The following DLGAP1 variants were observed in gnomAD, a reference collection of about 807,000 sequenced individuals.
DLGAP1 encodes the protein DLG associated protein 1.
In DLGAP1, 11 loss-of-function variants were observed where a neutral mutation model predicts 90.8. The ratio of observed to expected loss-of-function variants is 0.12; its 90% CI spans 0.08 to 0.20. The LOEUF is 0.20. Among genes scored for constraint, DLGAP1 ranks in the 10% least tolerant of loss-of-function variants. The pLI, the probability that DLGAP1 is intolerant of heterozygous loss-of-function variation, is 1.00. For synonymous variants in DLGAP1, 558 were observed against 540.7 expected (o/e 1.03, Z -0.44); for missense variants, 1,050 against 1,333.8 (o/e 0.79, Z 3.31).
chr18:4,196,232 A>G (rs1438094242), intron 1 of DLGAP1, among the ~76,000 whole-genome samples: 1 of 152,202 alleles, frequency 6.6e-6, no homozygotes, highest in Non-Finnish European at 1.5e-5. Flanking sequence ...CTAAAGTATA[A>G]ATTGCTACAC....
Position 3,616,408 on chromosome 18 carries a change from C to T in DLGAP1, c.1592-34160G>A, listed in dbSNP as rs1010321588. On this transcript the variant is annotated intron_variant, in intron 7 of 12. Coordinates refer to ENST00000315677, the MANE Select transcript of DLGAP1 (RefSeq NM_004746.4). ...GTGAGCCCATTCGGTGGTCTGAGGG[C>T]GATAGTTTGCCAATCTGTGCTCTAG... Among the ~76,000 whole-genome samples the T allele has an allele frequency of 3.3e-5, 5 of 152,050 alleles. 1 individual carries two copies. Among genetic ancestry groups the T allele is most frequent in the South Asian group, 4.2e-4 (2 of 4,814 alleles).
intron 9 of DLGAP1, among the ~76,000 whole-genome samples, chr18:3,550,332 C>T (rs1339661438): frequency 6.6e-6 from 1 of 151,902 alleles, no homozygotes; most frequent in Non-Finnish European, 1.5e-5. Flanking sequence ...CTCAAGCCAT[C>T]CTCCTACCTC....
chr18:4,117,368 G>A (rs967484767), intron 2 of DLGAP1, among the ~76,000 whole-genome samples: 2 of 152,116 alleles, frequency 1.3e-5, no homozygotes, highest in Admixed American at 6.5e-5. Flanking sequence ...TTGAAAACTG[G>A]AACTTTTGCA....
chr18:4,060,347 G>A (rs2075281588), intron 2 of DLGAP1, among the ~76,000 whole-genome samples: 1 of 152,122 alleles, frequency 6.6e-6, no homozygotes, highest in Non-Finnish European at 1.5e-5. Flanking sequence ...TAAAAGAAAA[G>A]GTTAACACTG....
chr18:4,374,337 T>A (rs2081974921), intron 1 of DLGAP1, among the ~76,000 whole-genome samples: 1 of 152,068 alleles, frequency 6.6e-6, no homozygotes, highest in Admixed American at 6.6e-5. Flanking sequence ...AAAAGAAACA[T>A]ACCAACATTT....
intron 2 of DLGAP1, among the ~76,000 whole-genome samples, chr18:4,129,173 T>C (rs960302740): frequency 2.0e-5 from 3 of 152,104 alleles, no homozygotes; most frequent in African/African-American, 4.8e-5. Context: ...GCTCACTGCA[T>C]GAAGCACAAG....
chr18:3,685,316 C>T (rs1407671237), intron 7 of DLGAP1, among the ~76,000 whole-genome samples: 1 of 152,228 alleles, frequency 6.6e-6, no homozygotes, highest in East Asian at 1.9e-4. Context: ...AATCCCAGCA[C>T]TTTGGGAGGC....
intron 4 of DLGAP1, 88 bp from the exon 5 acceptor site, chr18:3,814,361 A>ATTTTTT (rs372490602): frequency 2.3e-5 from 20 of 880,360 alleles, no homozygotes; most frequent in African/African-American, 8.2e-5. Flanking sequence ...TAACATTTCT[A>ATTTTTT]TTTTTTTTTT....
At chr18:4,333,873 C>T (rs548191348) in intron 1 of DLGAP1, among the ~76,000 whole-genome samples, 3 of 150,964 alleles carry the variant, frequency 2.0e-5, no homozygotes, top group Admixed American at 6.6e-5. Flanking sequence ...GTGCCGGGAC[C>T]ACAGGCGTGA....
intron 1 of DLGAP1, among the ~76,000 whole-genome samples, chr18:4,223,210 T>G (rs1830624103): frequency 6.6e-6 from 1 of 152,186 alleles, no homozygotes; most frequent in African/African-American, 2.4e-5. Context: ...TTGCTGACCT[T>G]TAAATTAATA....
At chr18:3,707,629 G>A (rs1057232647) in intron 7 of DLGAP1, among the ~76,000 whole-genome samples, 1 of 151,368 alleles carries the variant, frequency 6.6e-6, no homozygotes, top group Non-Finnish European at 1.5e-5. Flanking sequence ...AAAGAAAACA[G>A]ACCCTAGATT....
chr18:3,940,933 C>A (rs2072754875), intron 3 of DLGAP1, among the ~76,000 whole-genome samples: 1 of 152,118 alleles, frequency 6.6e-6, no homozygotes, highest in South Asian at 2.1e-4. Flanking sequence ...AACTTTCCCA[C>A]AGTGACAGAG....
At chr18:4,160,920 T>C (rs1046304561) in intron 1 of DLGAP1, among the ~76,000 whole-genome samples, 3 of 152,136 alleles carry the variant, frequency 2.0e-5, no homozygotes, top group East Asian at 1.9e-4. Context: ...GAGATTACGT[T>C]ACTTAGCCAA....
chr18:4,226,488 T>A (rs2078190007), intron 1 of DLGAP1, among the ~76,000 whole-genome samples: 1 of 151,832 alleles, frequency 6.6e-6, no homozygotes, highest in Admixed American at 6.6e-5. Flanking sequence ...TACAAAAACT[T>A]TTCAAGGCAT....
intron 3 of DLGAP1, among the ~76,000 whole-genome samples, chr18:3,974,260 G>A (rs575751593): frequency 6.6e-6 from 1 of 151,936 alleles, no homozygotes; most frequent in South Asian, 2.1e-4. Context: ...TATTTTAGTA[G>A]AGACTGGGTT....
chr18:3,771,579 C>CATAA (rs1406972347), intron 5 of DLGAP1: 1 of 152,314 alleles, frequency 6.6e-6, no homozygotes, highest in Non-Finnish European at 1.5e-5. Context: ...GCGGGACTTG[C>CATAA]ATAATACCAC....
At chr18:4,280,972 T>G (rs577934988) in intron 1 of DLGAP1, 1 of 152,360 alleles carries the variant, frequency 6.6e-6, no homozygotes, top group African/African-American at 2.4e-5. Flanking sequence ...TATAAATTTC[T>G]TTTTAACCCT....
chr18:4,320,933 A>G (rs2080671262), intron 1 of DLGAP1, among the ~76,000 whole-genome samples: 1 of 152,246 alleles, frequency 6.6e-6, no homozygotes, highest in South Asian at 2.1e-4. Context: ...TAACCTTCAT[A>G]ACACTTTTAA....
At chr18:4,343,134 C>T (rs909743390) in intron 1 of DLGAP1, among the ~76,000 whole-genome samples, 1 of 151,716 alleles carries the variant, frequency 6.6e-6, no homozygotes, top group South Asian at 2.1e-4. Context: ...GGTGAAACTC[C>T]GTCTCTACTA....
Sources: allele counts gnomAD v4.1 joint callset (sites outside exome capture counted in the v4.1 genomes callset), GRCh38; gene constraint gnomAD v4.1.1; transcripts MANE v1.5; gene names NCBI Gene and HGNC (gene_info 2026-07-23, HGNC 2026-07-21).